MYH1: variants seen among roughly 807,000 people sequenced by gnomAD.
The protein encoded by MYH1 is myosin heavy chain 1.
MYH1 carries 214 observed loss-of-function variants against 225.6 expected under a neutral mutation model. The observed-to-expected ratio is 0.95, with a 90% CI of 0.85 to 1.06. The LOEUF (loss-of-function observed/expected upper bound fraction) is 1.06, where lower values mean the gene tolerates loss of function less well. MYH1 is among the 50% of genes least tolerant of loss of function. The pLI is 0.00. For synonymous variants in MYH1, 774 were observed against 842.3 expected (o/e 0.92, Z 1.40); for missense variants, 2,098 against 2,344.2 (o/e 0.89, Z 2.17).
At chr17:10,506,786 C>T (rs942576188) in intron 17 of MYH1, among the ~76,000 whole-genome samples, 7 of 152,192 alleles carry the variant, frequency 4.6e-5, no homozygotes, top group Admixed American at 2.0e-4. Context: ...AGCCATGGTG[C>T]CCAGTCACAC....
rs754344353 is a variant in MYH1 at position 10,495,012 on chromosome 17, C to G, written c.5385G>C (p.Lys1795Asn). 5.0e-6 allele frequency: 8 copies of G among 1,614,230 alleles called. No individual in the cohort carries two copies. The Middle Eastern group carries it at 6.6e-4, about 133-fold the overall frequency. ...CCTCATCCAGACGATGCTGCAGGTCCTTCACCGTCTGTTCCAGGTTCTTCT... is the reference window on the plus strand; with the variant it reads ...CCTCATCCAGACGATGCTGCAGGTCGTTCACCGTCTGTTCCAGGTTCTTCT... ...RMKKNLEQTV[K>N]DLQHRLDEAE... is the part of the protein sequence containing the mutation. Residue 1795 changes from lysine to asparagine, a missense_variant, in exon 37 of 40, where the codon AAG (lysine) becomes AAC (asparagine). Lys to Asn is a moderately conservative substitution (Grantham distance 94). Transcript: ENST00000226207.
At position 10,503,006 on chromosome 17, in the gene MYH1, C is replaced by G. The variant is rs1274787748; in HGVS notation, c.2934G>C (p.Lys978Asn). ...VEKEKHATEN[K>N]VKNLTEEMAG... is the part of the protein sequence containing the mutation. ...CAGTACTGTAGAATATGATTGATAC[C>G]TTGTTTTCTGTGGCATGTTTCTCCT... Residue 978 changes from lysine (K) to asparagine (N), a missense_variant and splice_region_variant, in exon 23 of 40, where the codon AAG becomes AAC. By Grantham distance (94) the Lys-to-Asn change is moderately conservative. Transcript: ENST00000226207. 4 of 1,613,762 alleles carry G rather than the reference C, an allele frequency of 2.5e-6. No homozygotes were observed. The highest frequency in any genetic ancestry group is 2.5e-6 in the Non-Finnish European group (3 of 1,179,992).
chr17:10,511,114 T>G (rs1261210077), intron 14 of MYH1, among the ~76,000 whole-genome samples: 2 of 151,754 alleles, frequency 1.3e-5, no homozygotes, highest in Admixed American at 6.6e-5. Flanking sequence ...TTTCTAAAAT[T>G]TCATCCAGTT....
intron 9 of MYH1, 149 bp from the exon 10 acceptor site, chr17:10,513,114 C>T (rs1018113895): frequency 6.3e-6 from 4 of 632,254 alleles, no homozygotes; most frequent in South Asian, 2.0e-5. Context: ...TATGTCTCTA[C>T]AAACACTATT....
rs201537308 is a variant in MYH1, at chr17:10,508,440, G to A, written c.1820C>T (p.Thr607Ile). 4.9e-5 allele frequency: 79 copies of A among 1,614,184 alleles called. 1 individual carries two copies. In the South Asian group the frequency reaches 7.9e-4, roughly 16 times the overall value. Residue 607 changes from threonine (T) to isoleucine (I), a missense_variant, in exon 16 of 40, where the codon ACT becomes ATT. Coordinates refer to ENST00000226207, the MANE Select transcript of MYH1 (RefSeq NM_005963.4). Reference protein sequence around the residue: ...LDKNKDPLNETVVGLYQKSAM... With the variant: ...LDKNKDPLNEIVVGLYQKSAM... ...AGACTTCTGGTACAGCCCCACCACAGTCTCATTCAGGGGGTCCTTGTTCTT... is the reference window on the plus strand; with the variant it reads ...AGACTTCTGGTACAGCCCCACCACAATCTCATTCAGGGGGTCCTTGTTCTT...
chr17:10,505,551 C>T (rs201312961), intron 19 of MYH1, 40 bp from the exon 20 acceptor site: 3 of 1,605,010 alleles, frequency 1.9e-6, no homozygotes, highest in African/African-American at 2.7e-5. Flanking sequence ...GCTGTTGCCA[C>T]AGACAAGAAA....
At chr17:10,515,877 G>C (rs1220416842) in intron 5 of MYH1, 49 bp downstream of exon 5, 1 of 1,613,368 alleles carries the variant, frequency 6.2e-7, no homozygotes, top group Admixed American at 1.7e-5. Flanking sequence ...AATATTTTGT[G>C]ATTATGGATG....
intron 15 of MYH1, 72 bp downstream of exon 15, chr17:10,509,413 A>G: frequency 2.5e-6 from 4 of 1,601,630 alleles, no homozygotes; most frequent in Non-Finnish European, 3.4e-6. Flanking sequence ...CATTGCCTAT[A>G]TCAAGATTTT....
In MYH1 at chr17:10,508,250, C is replaced by T. The variant is rs541547003; in HGVS notation, c.1897+113G>A. 9.2e-5 allele frequency: 114 copies of T among 1,236,784 alleles called. No homozygotes were observed. In the African/African-American group the frequency reaches 1.7e-3, roughly 18 times the overall value. 76.6% of individuals were successfully genotyped at this position (1,236,784 alleles called of 1,614,324 possible). A position where few individuals can be genotyped will look rare whatever the true frequency, so the allele number is the denominator to read the frequency against. On this transcript the variant is annotated intron_variant, in intron 16 of 39. Transcript: ENST00000226207. ...ACCGGGCTGGTCTTGAACTCCTGAC[C>T]TCAGGCAATCTACCCACCTTGGCCT...
intron 19 of MYH1, 56 bp from the exon 20 acceptor site, chr17:10,505,567 CTG>C (rs2073103439): frequency 6.3e-7 from 1 of 1,591,576 alleles, no homozygotes; most frequent in Non-Finnish European, 8.6e-7. Flanking sequence ...AGAAATCTTC[CTG>C]TCTGGCTATA....
chr17:10,507,928 CTT>C lies in MYH1; in HGVS notation c.1924_1925del (p.Lys642GlufsTer19), dbSNP rs1268098494. On this transcript the variant is annotated frameshift_variant, in exon 17 of 40. Transcript: ENST00000226207. LOFTEE classifies it high-confidence loss of function. ...CAGTCTGGAAAGAAGAACCCTTCTT[CTT>C]ACCACCTTTCTTTCCACCGCCAGCC... Reference protein sequence around the residue: ...AEAGGGKKGGKKKGSSFQTVS... With the variant: ...AEAGGGKKGGXKKGSSFQTVS... 6 of 1,613,748 alleles carry C rather than the reference CTT, an allele frequency of 3.7e-6. 1 individual carries two copies. The Admixed American group carries it at 1.0e-4, about 27-fold the overall frequency.
intron 8 of MYH1, 25 bp downstream of exon 8, chr17:10,513,796 A>T (rs1462724001): frequency 6.2e-7 from 1 of 1,613,954 alleles, no homozygotes; most frequent in Non-Finnish European, 8.5e-7. Context: ...GGCAGAGAAG[A>T]CCCTTTGGCA....
Position 10,497,213 on chromosome 17 carries a change from A to G in MYH1, c.4532-20T>C. The G allele has an allele frequency of 6.3e-7, 1 of 1,598,414 alleles. No individual in the cohort carries two copies. The highest frequency in any genetic ancestry group is 8.5e-7 in the Non-Finnish European group (1 of 1,175,680). ...TCTCCTCTGTTGGTGAACAAAAAAT[A>G]TAGAAATTTGTTTATAGTTGGAAAA... On this transcript the variant is annotated intron_variant, in intron 32 of 39. Coordinates refer to ENST00000226207, the MANE Select transcript of MYH1 (RefSeq NM_005963.4).
chr17:10,516,321 G>A lies in MYH1; in HGVS notation c.226C>T (p.Gln76Ter). The A allele has an allele frequency of 6.2e-7, 1 of 1,614,106 alleles. No homozygotes were observed. The highest frequency in any genetic ancestry group is 8.5e-7 in the Non-Finnish European group (1 of 1,180,028). The change falls in exon 4 of 40, where the codon CAA becomes TAA. Residue 76 changes from glutamine to a stop codon, truncating the protein, a stop_gained. Coordinates refer to ENST00000226207, the MANE Select transcript of MYH1 (RefSeq NM_005963.4). LOFTEE classifies it high-confidence loss of function. ...TTGGGAGGGTTCATGGGGAAGACTTGGTCATCTTTCACTGTTACAGTCTGT... is the reference window on the plus strand; with the variant it reads ...TTGGGAGGGTTCATGGGGAAGACTTAGTCATCTTTCACTGTTACAGTCTGT... ...AGATVTVKDD[Q>*]VFPMNPPKYD...
rs775550371 is a variant in MYH1 at position 10,516,051 on chromosome 17, T to C, written c.380A>G (p.Asn127Ser). Residue 127 changes from asparagine to serine, a missense_variant, in exon 5 of 40, where the codon AAC (asparagine) becomes AGC (serine). By Grantham distance (46) the Asn-to-Ser change is conservative (BLOSUM62 1). Coordinates refer to ENST00000226207, the MANE Select transcript of MYH1 (RefSeq NM_005963.4). ...TYSGLFCVTVNPYKWLPVYNA... is the reference protein window; with the variant it reads ...TYSGLFCVTVSPYKWLPVYNA... ...ATACACTGGCAACCACTTGTAGGGGTTGACAGTGACACAGAACAAGCCTGA... is the reference window on the plus strand; with the variant it reads ...ATACACTGGCAACCACTTGTAGGGGCTGACAGTGACACAGAACAAGCCTGA... The C allele has an allele frequency of 8.1e-6, 13 of 1,613,910 alleles. No homozygotes were observed. The Admixed American group carries it at 2.2e-4, about 27-fold the overall frequency.
rs772510610 is a variant in MYH1, at chr17:10,505,859, G to A, written c.2127C>T (p.Cys709=). The A allele has an allele frequency of 6.2e-7, 1 of 1,614,084 alleles. No individual in the cohort carries two copies. Among genetic ancestry groups the A allele is most frequent in the South Asian group, 1.1e-5 (1 of 91,076 alleles). The stretch of plus-strand genomic sequence containing the variant: ...GGATTCTGCTTGGGAAGCCTTTCCT[G>A]CAGATGCGGATGCCTTCCAGCACAC... The part of the protein sequence containing the change: ...CNGVLEGIRI[C]RKGFPSRILY... The change falls in exon 19 of 40, where the codon TGC becomes TGT. Residue 709 remains cysteine (C), a synonymous_variant. Transcript: ENST00000226207.
rs2073138157 is a variant in MYH1 at position 10,508,459 on chromosome 17, T to A, written c.1801A>T (p.Lys601Ter). The change falls in exon 16 of 40, where the codon AAG becomes TAG. Residue 601 changes from lysine to a stop codon, truncating the protein, a stop_gained. Transcript: ENST00000226207. LOFTEE classifies it high-confidence loss of function. ...ACCACAGTCTCATTCAGGGGGTCCTTGTTCTTGTCAAGCCAGCCGGCAATG... is the reference window on the plus strand; with the variant it reads ...ACCACAGTCTCATTCAGGGGGTCCTAGTTCTTGTCAAGCCAGCCGGCAATG... ...YNIAGWLDKN[K>*]DPLNETVVGL... The A allele has an allele frequency of 6.2e-7, 1 of 1,614,076 alleles. No homozygotes were observed. The highest frequency in any genetic ancestry group is 8.5e-7 in the Non-Finnish European group (1 of 1,180,040).
intron 39 of MYH1, among the ~76,000 whole-genome samples, chr17:10,494,005 C>A (rs1433482704): frequency 6.6e-6 from 1 of 152,174 alleles, no homozygotes; most frequent in African/African-American, 2.4e-5. Flanking sequence ...CACATTAAAA[C>A]CCTCCCTGGC....
chr17:10,503,465 T>A (rs2073078230), intron 22 of MYH1, among the ~76,000 whole-genome samples: 2 of 152,220 alleles, frequency 1.3e-5, no homozygotes. Context: ...TACAATTATA[T>A]TTGTTATAAC....
Sources: allele counts gnomAD v4.1 joint callset (sites outside exome capture counted in the v4.1 genomes callset), GRCh38; gene constraint gnomAD v4.1.1; transcripts MANE v1.5; gene names NCBI Gene and HGNC (gene_info 2026-07-23, HGNC 2026-07-21).